The following ITGB3 variants were observed in gnomAD, a reference collection of about 807,000 sequenced individuals.
ITGB3 encodes the protein integrin beta-3.
A neutral mutation model predicts 85.8 loss-of-function variants in ITGB3; 48 were observed. The observed-to-expected ratio is 0.56, with a 90% CI of 0.44 to 0.71. The LOEUF is 0.71. Ranked by LOEUF, ITGB3 falls within the 30% of genes least tolerant of loss-of-function variation. The pLI is 0.00. For missense variants in ITGB3, 861 were observed against 1,019.1 expected (o/e 0.84, Z 2.11); for synonymous variants, 363 against 395.6 (o/e 0.92, Z 0.98).
At chr17:47,268,954 G>A (rs1347097684) in intron 1 of ITGB3, among the ~76,000 whole-genome samples, 3 of 152,228 alleles carry the variant, frequency 2.0e-5, no homozygotes, top group Non-Finnish European at 4.4e-5. Context: ...TGAAATCTAG[G>A]CAGAGGTTCC....
chr17:47,292,442 A>C lies in ITGB3; in HGVS notation c.1564A>C (p.Ser522Arg). ...CSPREGQPVC[S>R]QRGECLCGQC... ...CCCCCGGGAGGGTCAGCCCGTCTGCAGCCAGCGGGGCGAGTGCCTCTGTGG... is the reference window on the plus strand; with the variant it reads ...CCCCCGGGAGGGTCAGCCCGTCTGCCGCCAGCGGGGCGAGTGCCTCTGTGG... The change falls in exon 10 of 15, where the codon AGC becomes CGC. Residue 522 changes from serine to arginine, a missense_variant. Transcript: ENST00000559488. 6.2e-7 allele frequency: 1 copy of C among 1,609,658 alleles called. No homozygotes were observed. The highest frequency in any genetic ancestry group is 1.1e-5 in the South Asian group (1 of 90,928).
chr17:47,255,411 A>G (rs923950195), intron 1 of ITGB3, among the ~76,000 whole-genome samples: 2 of 152,048 alleles, frequency 1.3e-5, no homozygotes, highest in African/African-American at 4.8e-5. Context: ...GGACAGGGCA[A>G]GGATATCTTT....
At position 47,302,719 on chromosome 17, in the gene ITGB3, A is replaced by G; in HGVS notation, c.2015-2A>G. 3 of 1,614,134 alleles carry G rather than the reference A, an allele frequency of 1.9e-6. No individual in the cohort carries two copies. The highest frequency in any genetic ancestry group is 2.5e-6 in the Non-Finnish European group (3 of 1,179,994). ...TTATTCCTCCATTTTCCCTACTCCC[A>G]GAGGACACTGGCAAGGATGCAGTGA... On this transcript the variant is annotated splice_acceptor_variant, in intron 12 of 14. Coordinates refer to ENST00000559488, the MANE Select transcript of ITGB3 (RefSeq NM_000212.3). LOFTEE classifies it high-confidence loss of function.
In ITGB3 at chr17:47,287,156, G is replaced by A. The variant is rs372537496; in HGVS notation, c.864G>A (p.Leu288=). 1.2e-5 allele frequency: 19 copies of A among 1,613,936 alleles called. No individual in the cohort carries two copies. Among genetic ancestry groups the A allele is most frequent in the Admixed American group, 1.7e-5 (1 of 60,012 alleles). Residue 288 remains leucine, a synonymous_variant, in exon 6 of 15, where the codon CTG becomes CTA. Coordinates refer to ENST00000559488, the MANE Select transcript of ITGB3 (RefSeq NM_000212.3). ...CTCATATAGCATTGGACGGAAGGCT[G>A]GCAGGCATTGTCCAGCCTAATGACG... ...AKTHIALDGR[L]AGIVQPNDGQ...
At chr17:47,274,535 C>T (rs1241509316) in intron 2 of ITGB3, 31 bp downstream of exon 2, 1 of 1,588,230 alleles carries the variant, frequency 6.3e-7, no homozygotes, top group Non-Finnish European at 8.6e-7. Context: ...CTTGTTTCTT[C>T]TCCAGACTAA....
intron 1 of ITGB3, among the ~76,000 whole-genome samples, chr17:47,268,801 C>G (rs2065034469): frequency 6.6e-6 from 1 of 152,248 alleles, no homozygotes. Flanking sequence ...CACAGCTCCA[C>G]TAGGCAGTGC....
At chr17:47,300,685 A>G (rs2065164231) in intron 12 of ITGB3, 107 bp downstream of exon 12, 1 of 800,280 alleles carries the variant, frequency 1.2e-6, no homozygotes, top group South Asian at 1.5e-5. Flanking sequence ...CGTGACTTCT[A>G]CCTCAGGGAA....
chr17:47,263,736 C>T (rs1269465543), intron 1 of ITGB3, among the ~76,000 whole-genome samples: 3 of 152,156 alleles, frequency 2.0e-5, no homozygotes, highest in African/African-American at 2.4e-5. Context: ...GTGATCTACC[C>T]GCCTTGGCCT....
intron 1 of ITGB3, among the ~76,000 whole-genome samples, chr17:47,259,573 A>G (rs115227043): frequency 3.3e-3 from 508 of 152,322 alleles, no homozygotes; most frequent in African/African-American, 0.012. Context: ...GAACAAGGTG[A>G]TACACATTTT....
chr17:47,313,094 C>A lies in ITGB3; in HGVS notation c.*2890C>A, dbSNP rs2065221995. On this transcript the variant is annotated 3_prime_UTR_variant, in exon 15 of 15. Transcript: ENST00000559488. ...GTTCAAGCCATTCTCCTGCCTCAGC[C>A]TCCCCAGTAGCCGGGATTACAGGCA... Among the ~76,000 whole-genome samples the A allele has an allele frequency of 6.6e-6, 1 of 152,166 alleles. No homozygotes were observed. Among genetic ancestry groups the A allele is most frequent in the African/African-American group, 2.4e-5 (1 of 41,436 alleles).
Position 47,299,295 on chromosome 17 carries a change from T to C in ITGB3, c.1691-13T>C. ...CGCCAGCGGGTCCACCTTCCTGGGC[T>C]GTGTGTTTTCAGGCCATGGCCAGTG... On this transcript the variant is annotated splice_polypyrimidine_tract_variant and intron_variant, in intron 10 of 14. Transcript: ENST00000559488. This position sits in a 1 kb window ranked among gnomAD's most constrained non-coding sequence, Gnocchi z 5.1. 1 of 1,613,206 alleles carries C rather than the reference T, an allele frequency of 6.2e-7. No individual in the cohort carries two copies. Among genetic ancestry groups the C allele is most frequent in the Non-Finnish European group, 8.5e-7 (1 of 1,179,876 alleles).
rs1028805990 is a variant in ITGB3, at chr17:47,313,225, C to T, written c.*3021C>T. Among the ~76,000 whole-genome samples the T allele has an allele frequency of 3.9e-5, 6 of 152,176 alleles. No homozygotes were observed. The East Asian group carries it at 1.2e-3, about 29-fold the overall frequency. ...CTGACCTTAGGCGATCCACCTTCCT[C>T]GGCCTCCCACAGTGCTGGGATTACA... On this transcript the variant is annotated 3_prime_UTR_variant, in exon 15 of 15. Transcript: ENST00000559488.
At chr17:47,295,220 G>A (rs2065141178) in intron 10 of ITGB3, among the ~76,000 whole-genome samples, 1 of 152,202 alleles carries the variant, frequency 6.6e-6, no homozygotes, top group Admixed American at 6.5e-5. Context: ...AGACTTGACT[G>A]GGGACAGGGT....
intron 6 of ITGB3, among the ~76,000 whole-genome samples, chr17:47,288,749 G>C (rs1009247940): frequency 6.6e-6 from 1 of 152,230 alleles, no homozygotes; most frequent in Non-Finnish European, 1.5e-5. Context: ...AAGGCACTGG[G>C]CCAGGGGCTG....
chr17:47,264,901 G>T (rs545552026), intron 1 of ITGB3, among the ~76,000 whole-genome samples: 1 of 152,118 alleles, frequency 6.6e-6, no homozygotes, highest in African/African-American at 2.4e-5. Flanking sequence ...TACAGCATTT[G>T]CCACTGTTTG....
chr17:47,273,378 G>GA (rs552180302), intron 1 of ITGB3, among the ~76,000 whole-genome samples: 12 of 152,276 alleles, frequency 7.9e-5, no homozygotes, highest in African/African-American at 2.9e-4. Flanking sequence ...CCTTATATTG[G>GA]AAAAAACCTC....
At chr17:47,300,327 T>C (rs2143132093) in intron 11 of ITGB3, 151 bp from the exon 12 acceptor site, 2 of 630,896 alleles carry the variant, frequency 3.2e-6, no homozygotes, top group East Asian at 6.1e-5. Flanking sequence ...CCCAGGATTG[T>C]CTTACAGGCG....
intron 10 of ITGB3, among the ~76,000 whole-genome samples, chr17:47,297,582 G>A (rs751043922): frequency 6.6e-6 from 1 of 152,074 alleles, no homozygotes; most frequent in Non-Finnish European, 1.5e-5. Flanking sequence ...CTTGAACACG[G>A]GAGGTGGGGG....
chr17:47,310,347 AGTGTGGGTCTGTGTGTGTGTAT>A lies in ITGB3; in HGVS notation c.*147_*168del, dbSNP rs1342706724. Reference sequence around the variant, plus strand: ...GGTTGGGAGAATGTCAGTATGTGGAAGTGTGGGTCTGTGTGTGTGTATGTGGGGGTCTGTGTGTTTATGTGTG... The same window carrying A: ...GGTTGGGAGAATGTCAGTATGTGGAAGTGGGGGTCTGTGTGTTTATGTGTG... On this transcript the variant is annotated 3_prime_UTR_variant, in exon 15 of 15. Transcript: ENST00000559488. 3.3e-5 allele frequency: 25 copies of A among 758,000 alleles called. No homozygotes were observed. The highest frequency in any genetic ancestry group is 5.8e-5 in the Non-Finnish European group (25 of 430,042). The allele number at this position is 758,000 out of a possible 1,614,324, so 47.0% of individuals were successfully genotyped here.
Sources: allele counts gnomAD v4.1 joint callset (sites outside exome capture counted in the v4.1 genomes callset), GRCh38; gene constraint gnomAD v4.1.1; non-coding constraint Gnocchi (gnomAD v3.1); transcripts MANE v1.5; gene names NCBI Gene and HGNC (gene_info 2026-07-23, HGNC 2026-07-21).